The following FGD4 variants were observed in gnomAD, a reference collection of about 807,000 sequenced individuals.
FGD4 encodes the protein FYVE, RhoGEF and PH domain containing 4.
FGD4 carries 42 observed loss-of-function variants against 102.0 expected under a neutral mutation model. The observed-to-expected ratio is 0.41, with a 90% CI of 0.32 to 0.53. FGD4 has a LOEUF of 0.53. Ranked by LOEUF, FGD4 falls within the 20% of genes least tolerant of loss-of-function variation. The pLI, the probability that FGD4 is intolerant of heterozygous loss-of-function variation, is 0.21. For synonymous variants in FGD4, 380 were observed against 375.7 expected, an observed-to-expected ratio of 1.01 and a Z score of -0.13; for missense variants, 902 against 1,078.2, an observed-to-expected ratio of 0.84 and a Z score of 2.29.
At position 32,622,993 on chromosome 12, in the gene FGD4, T is replaced by C. The variant is rs111740080; in HGVS notation, c.1923-1429T>C. 2.4e-3 allele frequency among the ~76,000 whole-genome samples: 365 copies of C among 152,336 alleles called. 2 individuals carry two copies. The highest frequency in any genetic ancestry group is 8.1e-3 in the African/African-American group (337 of 41,574). ...AAAAGTGGGTATATATTTGGAGATATTGAAAGATTTTTTATATTTTTGATT... is the reference window on the plus strand; with the variant it reads ...AAAAGTGGGTATATATTTGGAGATACTGAAAGATTTTTTATATTTTTGATT... On this transcript the variant is annotated intron_variant, in intron 11 of 16. Transcript: ENST00000534526.
intron 1 of FGD4, among the ~76,000 whole-genome samples, chr12:32,425,906 A>T (rs796609977): frequency 6.6e-6 from 1 of 152,188 alleles, no homozygotes; most frequent in African/African-American, 2.4e-5. Context: ...ATTTTTGCAC[A>T]TTGATTTTGT....
chr12:32,601,275 C>T lies in FGD4; in HGVS notation c.1102-3C>T. Reference sequence around the variant, plus strand: ...GTAATGCTTACATTATTCTTTTATTCAGGTATTTTATTGCAAACTGTTGGA... The same window carrying T: ...GTAATGCTTACATTATTCTTTTATTTAGGTATTTTATTGCAAACTGTTGGA... On this transcript the variant is annotated splice_region_variant and splice_polypyrimidine_tract_variant and intron_variant, in intron 5 of 16. Coordinates refer to ENST00000534526, the MANE Select transcript of FGD4 (RefSeq NM_001370298.3). 1 of 1,613,668 alleles carries T rather than the reference C, an allele frequency of 6.2e-7. No individual in the cohort carries two copies. The highest frequency in any genetic ancestry group is 8.5e-7 in the Non-Finnish European group (1 of 1,179,738).
At chr12:32,605,177 G>A (rs1948696125) in intron 7 of FGD4, among the ~76,000 whole-genome samples, 1 of 151,086 alleles carries the variant, frequency 6.6e-6, no homozygotes, top group Non-Finnish European at 1.5e-5. Flanking sequence ...GGCCTCAAAT[G>A]ATTCCCCCGT....
intron 1 of FGD4, among the ~76,000 whole-genome samples, chr12:32,422,026 C>G (rs1037564258): frequency 2.0e-5 from 3 of 151,312 alleles, no homozygotes; most frequent in Non-Finnish European, 4.4e-5. Flanking sequence ...CACCTGTAGT[C>G]CCAGCTACTC....
intron 7 of FGD4, among the ~76,000 whole-genome samples, chr12:32,603,761 G>A (rs1948592921): frequency 6.6e-6 from 1 of 151,606 alleles, no homozygotes. Context: ...AGAGTGCAGT[G>A]GCCCAGTCAC....
intron 1 of FGD4, among the ~76,000 whole-genome samples, chr12:32,440,828 G>T (rs1942409667): frequency 6.6e-6 from 1 of 152,338 alleles, no homozygotes; most frequent in Middle Eastern, 3.4e-3. Context: ...TGGTAATCTA[G>T]TGTATTGCAG....
chr12:32,507,007 T>C (rs1045158101), intron 1 of FGD4, among the ~76,000 whole-genome samples: 20 of 151,850 alleles, frequency 1.3e-4, no homozygotes, highest in Admixed American at 4.6e-4. Context: ...TATACATGTG[T>C]CATGCTGGTG....
chr12:32,452,780 G>A (rs1402685621), intron 1 of FGD4, among the ~76,000 whole-genome samples: 1 of 152,116 alleles, frequency 6.6e-6, no homozygotes, highest in African/African-American at 2.4e-5. Flanking sequence ...AGTGAGCCCA[G>A]GAGTTCAAGA....
At chr12:32,445,636 A>T (rs1213072612) in intron 1 of FGD4, among the ~76,000 whole-genome samples, 6 of 152,212 alleles carry the variant, frequency 3.9e-5, no homozygotes, top group African/African-American at 1.4e-4. Flanking sequence ...GAATTTACAC[A>T]TTTCAAATGG....
intron 11 of FGD4, among the ~76,000 whole-genome samples, chr12:32,621,433 C>T (rs746369731): frequency 2.0e-5 from 3 of 152,180 alleles, no homozygotes; most frequent in African/African-American, 4.8e-5. Context: ...CCAGAATCCA[C>T]GGAGACTCAG....
intron 1 of FGD4, among the ~76,000 whole-genome samples, chr12:32,405,751 T>C (rs1255393434): frequency 6.6e-6 from 1 of 152,144 alleles, no homozygotes; most frequent in Non-Finnish European, 1.5e-5. Flanking sequence ...ATTGGGGGTC[T>C]GCCTGAGGTC....
At chr12:32,511,951 G>A (rs1236940016) in intron 1 of FGD4, 2 of 152,092 alleles carry the variant, frequency 1.3e-5, no homozygotes, top group African/African-American at 4.8e-5. Flanking sequence ...AGCATTTTGT[G>A]TGAAGCTGAT....
At chr12:32,433,467 G>A (rs1289692552) in intron 1 of FGD4, among the ~76,000 whole-genome samples, 1 of 151,958 alleles carries the variant, frequency 6.6e-6, no homozygotes, top group African/African-American at 2.4e-5. Context: ...TCCTGCCTCA[G>A]CCTCCCGAGT....
chr12:32,559,702 C>T (rs78215674), intron 1 of FGD4, among the ~76,000 whole-genome samples: 9,130 of 152,244 alleles, frequency 0.06, 350 homozygotes, highest in South Asian at 0.14. Context: ...CGAAACCTAC[C>T]ATACCCTGAA....
rs768847540 is a variant in FGD4, at chr12:32,606,141, C to T, written c.1405-1816C>T. The stretch of plus-strand genomic sequence containing the variant: ...GATCAGTAATACTTTCCTTGATGTA[C>T]GTAATAGATTTTGGGAAAACCCAAT... On this transcript the variant is annotated intron_variant, in intron 7 of 16. Transcript: ENST00000534526. 4.3e-4 allele frequency among the ~76,000 whole-genome samples: 65 copies of T among 152,144 alleles called. 1 individual carries two copies. The highest frequency in any genetic ancestry group is 3.2e-4 in the Non-Finnish European group (22 of 68,006).
chr12:32,492,452 A>G (rs139945985), intron 1 of FGD4, among the ~76,000 whole-genome samples: 1 of 152,292 alleles, frequency 6.6e-6, no homozygotes, highest in East Asian at 1.9e-4. Context: ...AATGCACCAA[A>G]ATGCTGATTG....
At chr12:32,431,915 C>T (rs1255025595) in intron 1 of FGD4, among the ~76,000 whole-genome samples, 1 of 151,966 alleles carries the variant, frequency 6.6e-6, no homozygotes, top group African/African-American at 2.4e-5. Flanking sequence ...ATATTTGAAA[C>T]CTTTTAAGTT....
At chr12:32,630,645 G>A (rs140880160) in intron 14 of FGD4, among the ~76,000 whole-genome samples, 1,727 of 152,008 alleles carry the variant, frequency 0.011, 15 homozygotes, top group South Asian at 0.054. Flanking sequence ...GTGAAACCCC[G>A]TCTCTACTAA....
chr12:32,628,807 A>G (rs1950331461), intron 14 of FGD4, among the ~76,000 whole-genome samples: 3 of 152,228 alleles, frequency 2.0e-5, no homozygotes, highest in African/African-American at 4.8e-5. Context: ...GTAAAGAGCA[A>G]TATGTTTGGG....
Sources: gnomAD v4.1 joint callset for allele counts (sites outside exome capture counted in the v4.1 genomes callset) on GRCh38, gnomAD v4.1.1 for gene constraint, MANE v1.5 for transcripts, NCBI Gene and HGNC (gene_info 2026-07-23, HGNC 2026-07-21) for gene names.